Variants in DMP1 observed in about 807,000 individuals in gnomAD.
DMP1 encodes dentin matrix protein 1.
In DMP1, 20 loss-of-function variants were observed where a neutral mutation model predicts 14.6. That is an observed-to-expected ratio of 1.37 (90% CI 0.96 to 1.99). The LOEUF (loss-of-function observed/expected upper bound fraction) is 1.99. Among genes scored for constraint, DMP1 ranks in the 30% most tolerant of loss-of-function variants. DMP1 has a pLI of 0.00. For missense variants in DMP1, 567 were observed against 620.5 expected, an observed-to-expected ratio of 0.91 and a Z score of 0.92; for synonymous variants, 197 against 215.3, an observed-to-expected ratio of 0.91 and a Z score of 0.75.
In DMP1 at chr4:87,663,214, G is replaced by A; in HGVS notation, c.1436G>A (p.Gly479Asp). Reference protein sequence around the residue: ...TESKSSSEEDGQLKNIEIESR... With the variant: ...TESKSSSEEDDQLKNIEIESR... Reference sequence around the variant, plus strand: ...AGCAAATCAAGCAGTGAGGAAGATGGCCAGTTGAAAAACATTGAGATAGAG... The same window carrying A: ...AGCAAATCAAGCAGTGAGGAAGATGACCAGTTGAAAAACATTGAGATAGAG... Residue 479 changes from glycine to aspartate, a missense_variant, in exon 6 of 6, where the codon GGC becomes GAC. Transcript: ENST00000339673. 2 of 1,614,198 alleles carry A rather than the reference G, an allele frequency of 1.2e-6. No homozygotes were observed. The highest frequency in any genetic ancestry group is 1.7e-6 in the Non-Finnish European group (2 of 1,180,046).
chr4:87,653,427 A>C (rs1578150577), intron 1 of DMP1, among the ~76,000 whole-genome samples: 1 of 88,672 alleles, frequency 1.1e-5, no homozygotes, highest in East Asian at 3.3e-4. Context: ...ATATATATAT[A>C]TATATACTTT....
At chr4:87,651,733 T>C (rs1313327670) in intron 1 of DMP1, among the ~76,000 whole-genome samples, 1 of 152,122 alleles carries the variant, frequency 6.6e-6, no homozygotes, top group Non-Finnish European at 1.5e-5. Flanking sequence ...CATAAATATT[T>C]ACTGACTGCT....
Position 87,661,988 on chromosome 4 carries a change from T to C in DMP1, c.210T>C (p.Thr70=). Reference sequence around the variant, plus strand: ...CAAATGAAGACCCCAGTGACAGCACTCAGTCAGAGGAGGGCCTGGGCTCTG... The same window carrying C: ...CAAATGAAGACCCCAGTGACAGCACCCAGTCAGAGGAGGGCCTGGGCTCTG... The part of the protein sequence containing the change: ...EQANEDPSDS[T]QSEEGLGSDD... The change falls in exon 6 of 6, where the codon ACT becomes ACC. Residue 70 remains threonine, a synonymous_variant. Transcript: ENST00000339673. 1 of 1,614,090 alleles carries C rather than the reference T, an allele frequency of 6.2e-7. No individual in the cohort carries two copies. Among genetic ancestry groups the C allele is most frequent in the South Asian group, 1.1e-5 (1 of 91,082 alleles).
rs780117938 is a variant in DMP1, at chr4:87,663,306, C to T, written c.1528C>T (p.Gln510Ter). 1 of 1,614,216 alleles carries T rather than the reference C, an allele frequency of 6.2e-7. No individual in the cohort carries two copies. The highest frequency in any genetic ancestry group is 8.5e-7 in the Non-Finnish European group (1 of 1,180,038). The change falls in exon 6 of 6, where the codon CAA becomes TAA. Residue 510 changes from glutamine to a stop codon, truncating the protein, a stop_gained. Transcript: ENST00000339673. LOFTEE classifies it high-confidence loss of function. ...TGGGGACCAAGATGACAATGACTGC[C>T]AAGACGGCTATTAGCATCAGCTGTC... Reference protein sequence around the residue: ...PIGDQDDNDCQDGY With the variant: ...PIGDQDDNDC
Position 87,662,607 on chromosome 4 carries a change from G to A in DMP1, c.829G>A (p.Asp277Asn), listed in dbSNP as rs1728939986. Residue 277 changes from aspartate to asparagine, a missense_variant, in exon 6 of 6, where the codon GAT (aspartate) becomes AAT (asparagine). Transcript: ENST00000339673. ...IFRKSRISEEDDRSELDDNNT... is the reference protein window; with the variant it reads ...IFRKSRISEENDRSELDDNNT... ...TAGGAAGTCTCGCATCTCAGAGGAA[G>A]ATGACAGAAGCGAGCTTGATGACAA... The A allele has an allele frequency of 6.2e-7, 1 of 1,614,170 alleles. No homozygotes were observed. Among genetic ancestry groups the A allele is most frequent in the Non-Finnish European group, 8.5e-7 (1 of 1,180,032 alleles).
rs1553906464 is a variant in DMP1 at position 87,653,386 on chromosome 4, G to GATTATATAT, written c.-22+3004_-22+3005insTATATATAT. Among the ~76,000 whole-genome samples, 4 of 57,728 alleles carry GATTATATAT rather than the reference G, an allele frequency of 6.9e-5. 1 individual carries two copies. Among genetic ancestry groups the GATTATATAT allele is most frequent in the Admixed American group, 2.5e-4 (1 of 3,956 alleles). The allele number at this position is 57,728 out of a possible 152,430, so 37.9% of individuals were successfully genotyped here. On this transcript the variant is annotated intron_variant, in intron 1 of 5. Coordinates refer to ENST00000339673, the MANE Select transcript of DMP1 (RefSeq NM_004407.4). ...TCAGCATATTCAGGCATTATCGAGT[G>GATTATATAT]ATATATATATATATATATATATATA... is the stretch of plus-strand genomic sequence containing the variant.
At position 87,662,560 on chromosome 4, in the gene DMP1, AG is replaced by A; in HGVS notation, c.783del (p.Glu261AspfsTer73). The A allele has an allele frequency of 6.2e-7, 1 of 1,614,136 alleles. No homozygotes were observed. The highest frequency in any genetic ancestry group is 1.3e-5 in the African/African-American group (1 of 75,050). ...TQDSGGSQLL[E>X]HPSRKIFRKS... ...GATTCAGGTGGCAGCCAATTGCTGG[AG>A]CATCCCAGTAGGAAAATTTTTAGGA... On this transcript the variant is annotated frameshift_variant, in exon 6 of 6. Transcript: ENST00000339673. LOFTEE classifies it low-confidence loss of function (END_TRUNC).
At chr4:87,654,470 G>C (rs549979669) in intron 1 of DMP1, among the ~76,000 whole-genome samples, 1 of 152,242 alleles carries the variant, frequency 6.6e-6, no homozygotes, top group East Asian at 1.9e-4. Flanking sequence ...GAAAATGACT[G>C]AGGTGAGTCT....
intron 5 of DMP1, among the ~76,000 whole-genome samples, 188 bp downstream of exon 5, chr4:87,659,666 A>G (rs894494534): frequency 6.6e-6 from 1 of 152,232 alleles, no homozygotes; most frequent in Non-Finnish European, 1.5e-5. Context: ...CATGCTATTC[A>G]TCTTATTTTC....
At chr4:87,656,934 TA>T in intron 2 of DMP1, 97 bp from the exon 3 acceptor site, 1 of 803,924 alleles carries the variant, frequency 1.2e-6, no homozygotes. Context: ...TGATGCAGCC[TA>T]AAATTTGACT....
rs1334812329 is a variant in DMP1 at position 87,650,327 on chromosome 4, G to A, written c.-79G>A. ...TTCATTGGGCATAGATTTCCTCTTTGAGAACATCAACCTGATTTTTGAGAC... is the reference window on the plus strand; with the variant it reads ...TTCATTGGGCATAGATTTCCTCTTTAAGAACATCAACCTGATTTTTGAGAC... On this transcript the variant is annotated 5_prime_UTR_variant, in exon 1 of 6. Transcript: ENST00000339673. The A allele has an allele frequency of 6.6e-6, 1 of 152,184 alleles. No individual in the cohort carries two copies. Among genetic ancestry groups the A allele is most frequent in the African/African-American group, 2.4e-5 (1 of 41,458 alleles). The allele number at this position is 152,184 out of a possible 1,614,324, so 9.4% of individuals were successfully genotyped here.
rs1422654841 is a variant in DMP1, at chr4:87,662,024, A to G, written c.246A>G (p.Gln82=). The change falls in exon 6 of 6, where the codon CAA becomes CAG. Residue 82 remains glutamine, a synonymous_variant. Coordinates refer to ENST00000339673, the MANE Select transcript of DMP1 (RefSeq NM_004407.4). ...AGGGCCTGGGCTCTGATGATCATCA[A>G]TACATTTATAGGCTAGCTGGTGGCT... is the stretch of plus-strand genomic sequence containing the variant. ...SEEGLGSDDH[Q]YIYRLAGGFS... is the part of the protein sequence containing the mutation. The G allele has an allele frequency of 1.2e-5, 19 of 1,614,118 alleles. No individual in the cohort carries two copies. Among genetic ancestry groups the G allele is most frequent in the Middle Eastern group, 1.6e-4 (1 of 6,084 alleles).
At position 87,662,260 on chromosome 4, in the gene DMP1, C is replaced by A. The variant is rs1174460196; in HGVS notation, c.482C>A (p.Thr161Asn). 1.2e-6 allele frequency: 2 copies of A among 1,614,152 alleles called. No homozygotes were observed. The highest frequency in any genetic ancestry group is 1.7e-6 in the Non-Finnish European group (2 of 1,180,036). ...APQGQDSAQDTTSESRELDNE... is the reference protein window; with the variant it reads ...APQGQDSAQDNTSESRELDNE... ...CAAGGGCAAGACAGTGCCCAAGATA[C>A]CACCAGTGAGAGCAGGGAACTTGAC... The change falls in exon 6 of 6, where the codon ACC (threonine) becomes AAC (asparagine). Residue 161 changes from threonine (T) to asparagine (N), a missense_variant. Coordinates refer to ENST00000339673, the MANE Select transcript of DMP1 (RefSeq NM_004407.4).
intron 5 of DMP1, 63 bp downstream of exon 5, chr4:87,659,541 A>T (rs931065700): frequency 6.9e-7 from 1 of 1,454,230 alleles, no homozygotes; most frequent in Non-Finnish European, 9.7e-7. Context: ...ATGATGTTAG[A>T]TTAAATTACC....
chr4:87,662,398 G>A lies in DMP1; in HGVS notation c.620G>A (p.Gly207Asp), dbSNP rs200520896. Reference sequence around the variant, plus strand: ...GATGGGGAGAGCAGCCATGGAGACGGCTCCGAGTTGGACGATGAGGGAATG... The same window carrying A: ...GATGGGGAGAGCAGCCATGGAGACGACTCCGAGTTGGACGATGAGGGAATG... ...GSDGESSHGDGSELDDEGMQS... is the reference protein window; with the variant it reads ...GSDGESSHGDDSELDDEGMQS... The change falls in exon 6 of 6, where the codon GGC (glycine) becomes GAC (aspartate). Residue 207 changes from glycine to aspartate, a missense_variant. By Grantham distance (94) the Gly-to-Asp change is moderately conservative. Coordinates refer to ENST00000339673, the MANE Select transcript of DMP1 (RefSeq NM_004407.4). 6.2e-7 allele frequency: 1 copy of A among 1,614,168 alleles called. No homozygotes were observed. The highest frequency in any genetic ancestry group is 8.5e-7 in the Non-Finnish European group (1 of 1,180,044).
chr4:87,652,279 T>C (rs2627694), intron 1 of DMP1, among the ~76,000 whole-genome samples: 151,448 of 152,274 alleles, frequency 0.99, 75,319 homozygotes, highest in Middle Eastern at 1. Flanking sequence ...ATTCAGAATA[T>C]GGCTACTGCC....
intron 3 of DMP1, 37 bp from the exon 4 acceptor site, chr4:87,659,183 G>C: frequency 4.4e-6 from 7 of 1,606,388 alleles, no homozygotes; most frequent in Non-Finnish European, 6.0e-6. Flanking sequence ...CCATCTGTGA[G>C]GGAGTAATTT....
In DMP1 at chr4:87,662,311, C is replaced by T. The variant is rs1179417962; in HGVS notation, c.533C>T (p.Pro178Leu). Residue 178 changes from proline (P) to leucine (L), a missense_variant, in exon 6 of 6, where the codon CCT (proline) becomes CTT (leucine). Pro to Leu is a moderately conservative substitution (Grantham distance 98, BLOSUM62 -3). Coordinates refer to ENST00000339673, the MANE Select transcript of DMP1 (RefSeq NM_004407.4). ...LDNEDRVDSK[P>L]EGGDSTQESE... The stretch of plus-strand genomic sequence containing the variant: ...AATGAGGACCGGGTGGACAGCAAGC[C>T]TGAGGGAGGTGACTCCACTCAAGAG... The T allele has an allele frequency of 1.2e-6, 2 of 1,613,978 alleles. No homozygotes were observed. The highest frequency in any genetic ancestry group is 2.2e-5 in the South Asian group (2 of 91,076).
At chr4:87,658,118 T>C (rs1229046405) in intron 3 of DMP1, among the ~76,000 whole-genome samples, 1 of 152,228 alleles carries the variant, frequency 6.6e-6, no homozygotes, top group Non-Finnish European at 1.5e-5. Context: ...AACAATGTCT[T>C]GCTCCCTTCC....
Sources: gnomAD v4.1 joint callset for allele counts (sites outside exome capture counted in the v4.1 genomes callset) on GRCh38, gnomAD v4.1.1 for gene constraint, MANE v1.5 for transcripts, NCBI Gene and HGNC (gene_info 2026-07-23, HGNC 2026-07-21) for gene names.